Variants in PTH2R observed in about 807,000 individuals in gnomAD.
The protein encoded by PTH2R is PTH2 receptor.
In PTH2R, 59 loss-of-function variants were observed where a neutral mutation model predicts 60.3. The observed-to-expected ratio is 0.98, with a 90% CI of 0.79 to 1.22. The LOEUF (loss-of-function observed/expected upper bound fraction) is 1.22. PTH2R is among the 50% of genes most tolerant of loss of function. The probability of loss-of-function intolerance (pLI) is 0.00; values close to 1 mark genes in which losing one functional copy is unlikely to be tolerated. For synonymous variants in PTH2R, 256 were observed against 243.8 expected (o/e 1.05, Z -0.47); for missense variants, 749 against 682.6 (o/e 1.10, Z -1.08).
chr2:208,393,718 A>G (rs890022041), intron 1 of PTH2R, among the ~76,000 whole-genome samples: 3 of 152,212 alleles, frequency 2.0e-5, no homozygotes, highest in African/African-American at 7.2e-5. Context: ...CACCTGAGTT[A>G]AATTTTGGAA....
chr2:208,406,868 G>A lies in PTH2R; in HGVS notation c.-176G>A, dbSNP rs1701421951. The A allele has an allele frequency of 2.3e-6, 1 of 436,622 alleles. No individual in the cohort carries two copies. Among genetic ancestry groups the A allele is most frequent in the Non-Finnish European group, 4.0e-6 (1 of 250,650 alleles). 27.0% of individuals were successfully genotyped at this position (436,622 alleles called of 1,614,324 possible). ...CAGCAGCACGCGGGTTCTGAGAAGC[G>A]CGTGGCTCCGGCGACAAGACCCCAA... is the stretch of plus-strand genomic sequence containing the variant. On this transcript the variant is annotated 5_prime_UTR_variant, in exon 1 of 13. Transcript: ENST00000272847.
At position 208,489,011 on chromosome 2, in the gene PTH2R, G is replaced by A. The variant is rs1006923093; in HGVS notation, c.1077-1G>A. 6.2e-7 allele frequency: 1 copy of A among 1,613,842 alleles called. No homozygotes were observed. Among genetic ancestry groups the A allele is most frequent in the African/African-American group, 1.3e-5 (1 of 74,904 alleles). ...TGAAAAGACTTGCTGTTCTCCTTTAGGAAACTGGCCAAATCGACACTGGTC... is the reference window on the plus strand; with the variant it reads ...TGAAAAGACTTGCTGTTCTCCTTTAAGAAACTGGCCAAATCGACACTGGTC... On this transcript the variant is annotated splice_acceptor_variant, in intron 10 of 12. Transcript: ENST00000272847. LOFTEE classifies it high-confidence loss of function.
chr2:208,493,084 T>C (rs1411911214), intron 12 of PTH2R, among the ~76,000 whole-genome samples, 180 bp from the exon 13 acceptor site: 4 of 152,204 alleles, frequency 2.6e-5, no homozygotes, highest in Admixed American at 2.6e-4. Flanking sequence ...CCTCCAAAAC[T>C]AACACCTGTC....
intron 1 of PTH2R, among the ~76,000 whole-genome samples, chr2:208,418,438 A>G (rs1214741242): frequency 6.6e-6 from 1 of 152,058 alleles, no homozygotes; most frequent in Non-Finnish European, 1.5e-5. Flanking sequence ...AAGCAAAATA[A>G]TAGCAAACCA....
At chr2:208,363,747 C>G (rs4675761) in intron 1 of PTH2R, among the ~76,000 whole-genome samples, 116,278 of 152,170 alleles carry the variant, frequency 0.76, 46,897 homozygotes, top group East Asian at 0.93. Context: ...GTGGTTTTGA[C>G]TTGCATTTCT....
upstream of PTH2R, among the ~76,000 whole-genome samples, chr2:208,403,477 A>C (rs1376362629): frequency 6.6e-6 from 1 of 152,198 alleles, no homozygotes; most frequent in Non-Finnish European, 1.5e-5. Context: ...TCCAGTTAGC[A>C]TTTGGACAGG....
upstream of PTH2R, among the ~76,000 whole-genome samples, chr2:208,404,837 G>A (rs61601361): frequency 0.022 from 3,281 of 152,146 alleles, 118 homozygotes; most frequent in African/African-American, 0.075. Flanking sequence ...AAAGCCCTCA[G>A]GACTGAGCTT....
At chr2:208,469,732 A>T (rs538690959) in intron 9 of PTH2R, 1 of 152,266 alleles carries the variant, frequency 6.6e-6, no homozygotes. Context: ...GTAATCATTT[A>T]TCAGACACCT....
chr2:208,484,504 A>C (rs1574914715), intron 10 of PTH2R, among the ~76,000 whole-genome samples: 1 of 152,228 alleles, frequency 6.6e-6, no homozygotes, highest in African/African-American at 2.4e-5. Context: ...TCAGTCATCT[A>C]TTAGATTTAA....
intron 7 of PTH2R, among the ~76,000 whole-genome samples, chr2:208,449,335 T>G (rs953712164): frequency 2.6e-5 from 4 of 152,176 alleles, no homozygotes; most frequent in African/African-American, 9.7e-5. Context: ...CACCAGAATA[T>G]AAGTTTTAGA....
At chr2:208,361,629 G>C (rs147472823) in intron 1 of PTH2R, among the ~76,000 whole-genome samples, 275 of 152,106 alleles carry the variant, frequency 1.8e-3, no homozygotes, top group African/African-American at 6.0e-3. Context: ...TACCATTTCT[G>C]TTTCTATGAA....
At chr2:208,382,298 G>A (rs1413193428) in intron 1 of PTH2R, among the ~76,000 whole-genome samples, 1 of 152,040 alleles carries the variant, frequency 6.6e-6, no homozygotes, top group Non-Finnish European at 1.5e-5. Flanking sequence ...GTGGAAATAG[G>A]TTTTCATATC....
At chr2:208,442,746 G>A (rs1247081185) in intron 5 of PTH2R, among the ~76,000 whole-genome samples, 1 of 152,148 alleles carries the variant, frequency 6.6e-6, no homozygotes, top group Non-Finnish European at 1.5e-5. Context: ...ATGAGTTCCC[G>A]AGAGATTTTG....
chr2:208,405,703 T>C (rs759240990), upstream of PTH2R, among the ~76,000 whole-genome samples: 26 of 152,186 alleles, frequency 1.7e-4, no homozygotes, highest in Non-Finnish European at 2.9e-4. Flanking sequence ...GGGCTGAATG[T>C]TTATGTTCCC....
At chr2:208,456,674 G>A (rs1215944881) in intron 8 of PTH2R, among the ~76,000 whole-genome samples, 2 of 152,162 alleles carry the variant, frequency 1.3e-5, no homozygotes, top group African/African-American at 4.8e-5. Context: ...GCTGTAGGAA[G>A]TTCCACTTTC....
chr2:208,391,089 G>A (rs1701100391), intron 1 of PTH2R, among the ~76,000 whole-genome samples: 2 of 152,184 alleles, frequency 1.3e-5, no homozygotes, highest in South Asian at 4.1e-4. Context: ...CTTAGGGAGG[G>A]AGGCAGGGAA....
At chr2:208,380,210 A>G (rs1264468028) in intron 1 of PTH2R, among the ~76,000 whole-genome samples, 1 of 152,128 alleles carries the variant, frequency 6.6e-6, no homozygotes, top group Non-Finnish European at 1.5e-5. Flanking sequence ...GAGAGTTTAT[A>G]TAATTTGTCA....
At chr2:208,469,587 A>T (rs1046148778) in intron 9 of PTH2R, among the ~76,000 whole-genome samples, 4 of 152,172 alleles carry the variant, frequency 2.6e-5, no homozygotes, top group African/African-American at 9.7e-5. Context: ...GGAATCACTT[A>T]ATTTTGGAAT....
At chr2:208,422,378 C>T (rs1701774425) in intron 1 of PTH2R, among the ~76,000 whole-genome samples, 1 of 152,142 alleles carries the variant, frequency 6.6e-6, no homozygotes, top group South Asian at 2.1e-4. Flanking sequence ...AAATTAACCA[C>T]CACACTTGCC....
Sources: allele counts gnomAD v4.1 joint callset (sites outside exome capture counted in the v4.1 genomes callset), GRCh38; gene constraint gnomAD v4.1.1; transcripts MANE v1.5; gene names NCBI Gene and HGNC (gene_info 2026-07-23, HGNC 2026-07-21).